ZNF346: variants seen among roughly 807,000 people sequenced by gnomAD.
ZNF346 encodes double-stranded RNA-binding zinc finger protein JAZ.
Under a neutral mutation model 33.7 loss-of-function variants are expected in ZNF346, and 23 were observed. The ratio of observed to expected loss-of-function variants is 0.68; its 90% CI spans 0.49 to 0.97. The LOEUF (loss-of-function observed/expected upper bound fraction) is 0.97, where lower values mean the gene tolerates loss of function less well. Among genes scored for constraint, ZNF346 ranks in the 50% least tolerant of loss-of-function variants. The pLI is 0.00. For synonymous variants in ZNF346, 134 were observed against 142.4 expected, an observed-to-expected ratio of 0.94 and a Z score of 0.42; for missense variants, 340 against 371.1, an observed-to-expected ratio of 0.92 and a Z score of 0.69.
chr5:177,039,110 C>A (rs970131140), intron 1 of ZNF346, among the ~76,000 whole-genome samples: 1 of 151,868 alleles, frequency 6.6e-6, no homozygotes, highest in African/African-American at 2.4e-5. Context: ...AGGCTGGTCT[C>A]AAACTCCTGA....
chr5:177,054,901 C>A (rs1485404897), intron 5 of ZNF346, among the ~76,000 whole-genome samples: 1 of 151,854 alleles, frequency 6.6e-6, no homozygotes, highest in East Asian at 1.9e-4. Flanking sequence ...AAAACTGATT[C>A]TATAAATTAA....
chr5:177,029,153 G>GC (rs1474203563), intron 1 of ZNF346, among the ~76,000 whole-genome samples: 7 of 152,132 alleles, frequency 4.6e-5, no homozygotes, highest in Admixed American at 4.6e-4. Flanking sequence ...GGAAGTTACA[G>GC]CCCCCCATCT....
chr5:177,076,532 G>C (rs1783751977), intron 8 of ZNF346, among the ~76,000 whole-genome samples: 1 of 152,144 alleles, frequency 6.6e-6, no homozygotes, highest in Non-Finnish European at 1.5e-5. Context: ...GAATCCTGTT[G>C]GGTCAGTTTG....
rs1027886977 is a variant in ZNF346 at position 177,067,624 on chromosome 5, A to G, written c.*3025A>G. On this transcript the variant is annotated 3_prime_UTR_variant, in exon 7 of 7. Transcript: ENST00000358149. Reference sequence around the variant, plus strand: ...CAGCTGTGTGGCCAGCCCTGTTGGTAAAGGGACCTAGAGATGAACACTTTC... The same window carrying G: ...CAGCTGTGTGGCCAGCCCTGTTGGTGAAGGGACCTAGAGATGAACACTTTC... Among the ~76,000 whole-genome samples the G allele has an allele frequency of 3.3e-5, 5 of 152,220 alleles. No homozygotes were observed. Among genetic ancestry groups the G allele is most frequent in the African/African-American group, 1.2e-4 (5 of 41,456 alleles).
chr5:177,041,312 T>G, intron 2 of ZNF346, 83 bp downstream of exon 2: 1 of 1,168,042 alleles, frequency 8.6e-7, no homozygotes, highest in Non-Finnish European at 1.3e-6. Context: ...CATGGTGAAG[T>G]GTAATTGCTG....
At chr5:177,046,543 C>T (rs934620181) in intron 4 of ZNF346, among the ~76,000 whole-genome samples, 8 of 152,100 alleles carry the variant, frequency 5.3e-5, no homozygotes, top group Non-Finnish European at 4.4e-5. Flanking sequence ...CATGTTATTA[C>T]ACAACTTTAT....
chr5:177,040,347 TTTTA>T (rs1191156023), intron 1 of ZNF346, among the ~76,000 whole-genome samples: 5 of 152,096 alleles, frequency 3.3e-5, no homozygotes, highest in Non-Finnish European at 7.4e-5. Context: ...TGTGATTTTA[TTTTA>T]TTTATTTATT....
In ZNF346 at chr5:177,026,422, C is replaced by T. The variant is rs148466025; in HGVS notation, c.175+3509C>T. On this transcript the variant is annotated intron_variant, in intron 1 of 6. Transcript: ENST00000358149. ...TCGCCCAGGCTAGAGTGTGGTGGCA[C>T]GATCTCAGCTCACTGCAGCCTCCCT... 5.2e-4 allele frequency among the ~76,000 whole-genome samples: 74 copies of T among 142,904 alleles called. 2 individuals carry two copies. The East Asian group carries it at 9.2e-3, about 18-fold the overall frequency. 93.8% of individuals were successfully genotyped at this position (142,904 alleles called of 152,430 possible).
chr5:177,069,681 C>A (rs1783410245), downstream of ZNF346, among the ~76,000 whole-genome samples: 1 of 151,882 alleles, frequency 6.6e-6, no homozygotes, highest in African/African-American at 2.4e-5. Flanking sequence ...CAGGCACATG[C>A]CACCACACCA....
intron 1 of ZNF346, among the ~76,000 whole-genome samples, chr5:177,028,736 A>G (rs1227378906): frequency 4.9e-5 from 1 of 20,532 alleles, no homozygotes; most frequent in African/African-American, 1.1e-4. Context: ...TTTTTTTTTT[A>G]TGAGATGGAG....
chr5:177,075,558 C>G (rs1783707528), intron 8 of ZNF346, among the ~76,000 whole-genome samples: 1 of 152,192 alleles, frequency 6.6e-6, no homozygotes, highest in Non-Finnish European at 1.5e-5. Flanking sequence ...TGCTGTGTCC[C>G]CCAGGCTGGA....
chr5:177,069,644 C>T (rs1783408270), downstream of ZNF346, among the ~76,000 whole-genome samples: 1 of 152,172 alleles, frequency 6.6e-6, no homozygotes. Flanking sequence ...GATCCTCCCA[C>T]CTCAGCCTCC....
At position 177,038,674 on chromosome 5, in the gene ZNF346, G is replaced by T. The variant is rs1229574512; in HGVS notation, c.176-2452G>T. 2.0e-5 allele frequency among the ~76,000 whole-genome samples: 3 copies of T among 151,684 alleles called. No homozygotes were observed. In the East Asian group the frequency reaches 5.8e-4, roughly 29 times the overall value. ...AGAGAGGTACATTTATTTAGCAGGT[G>T]CTTACCTGCCCTTGCTGTGGGTTTG... On this transcript the variant is annotated intron_variant, in intron 1 of 6. Transcript: ENST00000358149.
chr5:177,056,100 C>T (rs1213685396), intron 5 of ZNF346, among the ~76,000 whole-genome samples: 2 of 132,066 alleles, frequency 1.5e-5, no homozygotes, highest in African/African-American at 5.6e-5. Flanking sequence ...AAAAAGTTAG[C>T]CGGGCATGGT....
At chr5:177,049,867 G>A (rs936377922) in intron 4 of ZNF346, among the ~76,000 whole-genome samples, 11 of 151,554 alleles carry the variant, frequency 7.3e-5, no homozygotes, top group Admixed American at 3.3e-4. Context: ...GTGGAGTTTC[G>A]CTCTTGTCGC....
intron 3 of ZNF346, among the ~76,000 whole-genome samples, chr5:177,042,616 T>C (rs992054152): frequency 6.6e-6 from 1 of 152,206 alleles, no homozygotes; most frequent in African/African-American, 2.4e-5. Context: ...CCTCCTATTA[T>C]AGTAGCCACA....
chr5:177,070,653 G>A (rs1413848488), downstream of ZNF346, among the ~76,000 whole-genome samples: 1 of 152,184 alleles, frequency 6.6e-6, no homozygotes, highest in East Asian at 1.9e-4. Flanking sequence ...CTATATAAAT[G>A]ATAGCTGCTG....
chr5:177,072,113 C>G (rs1461446649), downstream of ZNF346, among the ~76,000 whole-genome samples: 1 of 152,144 alleles, frequency 6.6e-6, no homozygotes, highest in Non-Finnish European at 1.5e-5. Flanking sequence ...TTCACGAGCC[C>G]CTGTATATGC....
At chr5:177,038,136 T>C (rs1478566495) in intron 1 of ZNF346, among the ~76,000 whole-genome samples, 1 of 151,410 alleles carries the variant, frequency 6.6e-6, no homozygotes. Flanking sequence ...TTGCCTAGGC[T>C]GGAGTGCAGT....
Sources: gnomAD v4.1 joint callset for allele counts (sites outside exome capture counted in the v4.1 genomes callset) on GRCh38, gnomAD v4.1.1 for gene constraint, MANE v1.5 for transcripts, NCBI Gene and HGNC (gene_info 2026-07-23, HGNC 2026-07-21) for gene names.